The following KCNQ5 variants were observed in gnomAD, a reference collection of about 807,000 sequenced individuals.
KCNQ5 encodes the protein potassium voltage-gated channel subfamily Q member 5.
In KCNQ5, 30 loss-of-function variants were observed where a neutral mutation model predicts 98.2. The observed-to-expected ratio is 0.31, with a 90% confidence interval of 0.23 to 0.41. The LOEUF is 0.41. Among genes scored for constraint, KCNQ5 ranks in the 10% least tolerant of loss-of-function variants. The pLI is 1.00. For missense variants in KCNQ5, 835 were observed against 1,182.5 expected (o/e 0.71, Z 4.31); for synonymous variants, 458 against 449.4 (o/e 1.02, Z -0.24).
intron 11 of KCNQ5, among the ~76,000 whole-genome samples, chr6:73,184,101 T>C (rs1163761421): frequency 6.6e-6 from 1 of 152,204 alleles, no homozygotes; most frequent in African/African-American, 2.4e-5. Context: ...TGCTATTAGG[T>C]CTTTCTTTAC....
At chr6:72,702,446 G>A (rs1768861061) in intron 1 of KCNQ5, among the ~76,000 whole-genome samples, 1 of 152,118 alleles carries the variant, frequency 6.6e-6, no homozygotes, top group Admixed American at 6.5e-5. Flanking sequence ...GTATGAAAAG[G>A]TTTAGGAAAC....
In KCNQ5 at chr6:73,077,507, G is replaced by A. The variant is rs771190490; in HGVS notation, c.792+10G>A. The A allele has an allele frequency of 4.4e-6, 7 of 1,599,432 alleles. No individual in the cohort carries two copies. Among genetic ancestry groups the A allele is most frequent in the Middle Eastern group, 3.3e-4 (2 of 5,986 alleles). On this transcript the variant is annotated intron_variant, in intron 4 of 13. Transcript: ENST00000370398. Reference sequence around the variant, plus strand: ...TTATGCTCACAGCAAGGTAAGATTTGCTCTCTGAATTTAAAAACACAATTT... The same window carrying A: ...TTATGCTCACAGCAAGGTAAGATTTACTCTCTGAATTTAAAAACACAATTT...
intron 1 of KCNQ5, among the ~76,000 whole-genome samples, chr6:72,642,339 A>AT (rs1276608582): frequency 6.6e-6 from 1 of 151,920 alleles, no homozygotes; most frequent in African/African-American, 2.4e-5. Context: ...ATCAACTTTT[A>AT]TTTTAAGTTC....
chr6:72,868,184 G>A (rs1216091428), intron 1 of KCNQ5, among the ~76,000 whole-genome samples: 1 of 152,080 alleles, frequency 6.6e-6, no homozygotes, highest in East Asian at 1.9e-4. Flanking sequence ...AAGCACTGTG[G>A]CTTGGATTAG....
chr6:72,865,914 G>GCA (rs1777959053), intron 1 of KCNQ5, among the ~76,000 whole-genome samples: 1 of 152,158 alleles, frequency 6.6e-6, no homozygotes, highest in Non-Finnish European at 1.5e-5. Flanking sequence ...AACCTTATAA[G>GCA]CACTTCCTGG....
chr6:72,852,292 A>T lies in KCNQ5; in HGVS notation c.399-151616A>T, dbSNP rs1485554796. On this transcript the variant is annotated intron_variant, in intron 1 of 13. Coordinates refer to ENST00000370398, the MANE Select transcript of KCNQ5 (RefSeq NM_019842.4). ...TTTTAGAAAGGAAATCAATACATCA[A>T]AGATATATCTACTCTTCCATGTTTA... Among the ~76,000 whole-genome samples, 4 of 152,280 alleles carry T rather than the reference A, an allele frequency of 2.6e-5. No individual in the cohort carries two copies. The East Asian group carries it at 7.7e-4, about 29-fold the overall frequency.
chr6:73,045,605 A>G (rs1025205730), intron 3 of KCNQ5, among the ~76,000 whole-genome samples: 3 of 152,180 alleles, frequency 2.0e-5, no homozygotes, highest in African/African-American at 7.2e-5. Context: ...ACACTCACCC[A>G]ATAACATCGG....
chr6:72,989,643 A>G (rs1174207883), intron 1 of KCNQ5, among the ~76,000 whole-genome samples: 1 of 222 alleles, frequency 4.5e-3, no homozygotes, highest in Non-Finnish European at 7.6e-3. Flanking sequence ...TTTGCTGTGC[A>G]GAAGCTCTTT....
rs1277812889 is a variant in KCNQ5, at chr6:72,757,906, G to A, written c.398+135319G>A. Reference sequence around the variant, plus strand: ...GAGCTCTTTTTGGAATTTGAGTTTAGTATTTGAGTCAGAGTGATGTGAGAG... The same window carrying A: ...GAGCTCTTTTTGGAATTTGAGTTTAATATTTGAGTCAGAGTGATGTGAGAG... On this transcript the variant is annotated intron_variant, in intron 1 of 13. Transcript: ENST00000370398. Among the ~76,000 whole-genome samples the A allele has an allele frequency of 2.6e-5, 4 of 152,094 alleles. No individual in the cohort carries two copies. The East Asian group carries it at 7.7e-4, about 29-fold the overall frequency.
chr6:72,953,092 A>G lies in KCNQ5; in HGVS notation c.399-50816A>G, dbSNP rs146218864. 1.0e-3 allele frequency among the ~76,000 whole-genome samples: 157 copies of G among 152,188 alleles called. 1 individual carries two copies. Among genetic ancestry groups the G allele is most frequent in the Non-Finnish European group, 1.9e-3 (129 of 67,998 alleles). ...TGATTATTTGTTAAGTACCTAGTGC[A>G]TTTTGAGCACACTGTGTGGTTCTAG... On this transcript the variant is annotated intron_variant, in intron 1 of 13. Coordinates refer to ENST00000370398, the MANE Select transcript of KCNQ5 (RefSeq NM_019842.4).
intron 1 of KCNQ5, among the ~76,000 whole-genome samples, chr6:72,999,471 A>G (rs944683725): frequency 1.1e-4 from 16 of 152,234 alleles, no homozygotes; most frequent in Non-Finnish European, 2.2e-4. Context: ...TTGAAGGAAT[A>G]TCCATCTTAT....
intron 1 of KCNQ5, among the ~76,000 whole-genome samples, chr6:72,780,557 C>T (rs1416897887): frequency 6.6e-6 from 1 of 152,080 alleles, no homozygotes; most frequent in Non-Finnish European, 1.5e-5. Context: ...ACTGTATGAG[C>T]AAGGACAAGG....
chr6:72,994,808 TC>T (rs1380164756), intron 1 of KCNQ5, among the ~76,000 whole-genome samples: 2 of 152,202 alleles, frequency 1.3e-5, no homozygotes, highest in African/African-American at 4.8e-5. Flanking sequence ...TAGCTTTGTA[TC>T]ATAAGGTATC....
At chr6:73,009,389 A>T (rs555984490) in intron 2 of KCNQ5, among the ~76,000 whole-genome samples, 1 of 152,276 alleles carries the variant, frequency 6.6e-6, no homozygotes, top group South Asian at 2.1e-4. Flanking sequence ...GGACACAGTG[A>T]AAGTTGTGCT....
At chr6:73,008,595 G>A (rs1410523239) in intron 2 of KCNQ5, among the ~76,000 whole-genome samples, 1 of 152,008 alleles carries the variant, frequency 6.6e-6, no homozygotes, top group Non-Finnish European at 1.5e-5. Context: ...CCTAATAACA[G>A]GTAATAAAAT....
chr6:72,762,064 A>G (rs1226258287), intron 1 of KCNQ5, among the ~76,000 whole-genome samples: 1 of 151,976 alleles, frequency 6.6e-6, no homozygotes, highest in Admixed American at 6.6e-5. Context: ...TCCAGGAGAC[A>G]TTTTCCTTCT....
chr6:72,851,097 AATC>A (rs1425319909), intron 1 of KCNQ5, among the ~76,000 whole-genome samples: 1 of 152,202 alleles, frequency 6.6e-6, no homozygotes, highest in African/African-American at 2.4e-5. Flanking sequence ...TAATTTAAGA[AATC>A]ATCACATTAA....
intron 1 of KCNQ5, among the ~76,000 whole-genome samples, chr6:72,632,222 C>G (rs560890585): frequency 1.8e-4 from 27 of 148,936 alleles, no homozygotes; most frequent in South Asian, 6.3e-4. Context: ...ACTGCAAGCT[C>G]CGCCTCCTGG....
At chr6:73,075,482 A>T (rs749586194) in intron 3 of KCNQ5, among the ~76,000 whole-genome samples, 22 of 152,176 alleles carry the variant, frequency 1.4e-4, no homozygotes, top group Admixed American at 5.9e-4. Flanking sequence ...TGGCCTCCCA[A>T]AGTGCTGGGA....
Sources: allele counts gnomAD v4.1 joint callset (sites outside exome capture counted in the v4.1 genomes callset), GRCh38; gene constraint gnomAD v4.1.1; transcripts MANE v1.5; gene names NCBI Gene and HGNC (gene_info 2026-07-23, HGNC 2026-07-21).